Variants in HS6ST3 observed in about 807,000 individuals in gnomAD.
HS6ST3 encodes heparan sulfate 6-O-sulfotransferase 3.
Under a neutral mutation model 36.7 loss-of-function variants are expected in HS6ST3, and 12 were observed. That is an observed-to-expected ratio of 0.33 (90% CI 0.21 to 0.53). The LOEUF is 0.53. Among genes scored for constraint, HS6ST3 ranks in the 20% least tolerant of loss-of-function variants. HS6ST3 has a pLI of 0.95. For missense variants in HS6ST3, 584 were observed against 640.9 expected, an observed-to-expected ratio of 0.91 and a Z score of 0.96; for synonymous variants, 240 against 257.5, an observed-to-expected ratio of 0.93 and a Z score of 0.65.
chr13:96,587,186 CT>C (rs1356609981), intron 1 of HS6ST3, among the ~76,000 whole-genome samples: 1 of 151,566 alleles, frequency 6.6e-6, no homozygotes, highest in Non-Finnish European at 1.5e-5. Context: ...CGTTTTTGTT[CT>C]TGTAGCTTTG....
chr13:96,744,864 T>C (rs1318263523), intron 1 of HS6ST3, among the ~76,000 whole-genome samples: 2 of 152,106 alleles, frequency 1.3e-5, no homozygotes, highest in African/African-American at 4.8e-5. Context: ...GGGTTCTTTC[T>C]ACATACTTGG....
chr13:96,500,182 C>T (rs1303674328), intron 1 of HS6ST3, among the ~76,000 whole-genome samples: 2 of 152,120 alleles, frequency 1.3e-5, no homozygotes, highest in African/African-American at 2.4e-5. Flanking sequence ...ATTATACAAC[C>T]TGTGGTCCTT....
chr13:96,749,003 G>A (rs376959552), intron 1 of HS6ST3, among the ~76,000 whole-genome samples: 25 of 151,932 alleles, frequency 1.6e-4, no homozygotes, highest in Admixed American at 6.6e-5. Context: ...CTTTTAGCTC[G>A]TCAGATTTAC....
chr13:96,497,228 A>G (rs1189329884), intron 1 of HS6ST3, among the ~76,000 whole-genome samples: 1 of 152,146 alleles, frequency 6.6e-6, no homozygotes, highest in African/African-American at 2.4e-5. Flanking sequence ...TCCATGGATC[A>G]ATCTCAGGCC....
Position 96,091,053 on chromosome 13 carries a change from A to T in HS6ST3, c.191A>T (p.Glu64Val). The change falls in exon 1 of 2, where the codon GAG becomes GTG. Residue 64 changes from glutamate to valine, a missense_variant. By Grantham distance (121) the Glu-to-Val change is moderately radical. Transcript: ENST00000376705. ...PARRAQAPPEEWERRPQLPPP... is the reference protein window; with the variant it reads ...PARRAQAPPEVWERRPQLPPP... ...CGCCGGGCTCAGGCGCCGCCGGAGG[A>T]GTGGGAGCGGCGGCCCCAGTTGCCC... is the stretch of plus-strand genomic sequence containing the variant. 7.9e-7 allele frequency: 1 copy of T among 1,263,448 alleles called. No homozygotes were observed. Among genetic ancestry groups the T allele is most frequent in the Non-Finnish European group, 9.9e-7 (1 of 1,007,420 alleles). 78.3% of individuals were successfully genotyped at this position (1,263,448 alleles called of 1,614,324 possible).
chr13:96,745,400 C>T (rs1339823690), intron 1 of HS6ST3, among the ~76,000 whole-genome samples: 1 of 152,016 alleles, frequency 6.6e-6, no homozygotes, highest in Non-Finnish European at 1.5e-5. Context: ...AGGCAGTGCC[C>T]AGCCATATGG....
intron 1 of HS6ST3, among the ~76,000 whole-genome samples, chr13:96,477,444 A>G (rs1166953325): frequency 6.6e-6 from 1 of 152,232 alleles, no homozygotes; most frequent in Non-Finnish European, 1.5e-5. Flanking sequence ...AAATGTGTTT[A>G]TGTATTTGTA....
Position 96,101,960 on chromosome 13 carries a change from CAA to C in HS6ST3, c.707+10396_707+10397del, listed in dbSNP as rs780280321. Among the ~76,000 whole-genome samples the C allele has an allele frequency of 5.3e-5, 8 of 152,232 alleles. No homozygotes were observed. The East Asian group carries it at 1.5e-3, about 29-fold the overall frequency. ...TTTCAGGTCTTTGTCTCTGAGGCCACAAAAAAGTTGCCTGCGGAATTGTTTTC... is the reference window on the plus strand; with the variant it reads ...TTTCAGGTCTTTGTCTCTGAGGCCACAAAAGTTGCCTGCGGAATTGTTTTC... On this transcript the variant is annotated intron_variant, in intron 1 of 1. Coordinates refer to ENST00000376705, the MANE Select transcript of HS6ST3 (RefSeq NM_153456.4).
chr13:96,468,762 T>C (rs2055826720), intron 1 of HS6ST3, among the ~76,000 whole-genome samples: 1 of 152,178 alleles, frequency 6.6e-6, no homozygotes, highest in Admixed American at 6.5e-5. Context: ...TTGGACATTT[T>C]TAAGAAGTGA....
intron 1 of HS6ST3, among the ~76,000 whole-genome samples, chr13:96,293,043 C>A (rs1432401951): frequency 6.6e-6 from 1 of 151,760 alleles, no homozygotes; most frequent in African/African-American, 2.4e-5. Context: ...ACATATGACA[C>A]CTCCACCCCC....
In HS6ST3 at chr13:96,286,543, A is replaced by T. The variant is rs919441849; in HGVS notation, c.707+194974A>T. Among the ~76,000 whole-genome samples the T allele has an allele frequency of 5.3e-5, 8 of 152,324 alleles. No homozygotes were observed. The East Asian group carries it at 1.5e-3, about 29-fold the overall frequency. ...TAGAATCTGTAGGTCTATAGGCATGAAGACATACAGATAACAACAAGATAT... is the reference window on the plus strand; with the variant it reads ...TAGAATCTGTAGGTCTATAGGCATGTAGACATACAGATAACAACAAGATAT... On this transcript the variant is annotated intron_variant, in intron 1 of 1. Transcript: ENST00000376705.
intron 1 of HS6ST3, among the ~76,000 whole-genome samples, chr13:96,788,150 T>C (rs1379546879): frequency 1.3e-5 from 2 of 151,970 alleles, no homozygotes; most frequent in Admixed American, 6.6e-5. Context: ...CTATAGCTTA[T>C]AGTAAGCCTT....
chr13:96,224,239 T>G (rs1397953742), intron 1 of HS6ST3, among the ~76,000 whole-genome samples: 1 of 152,164 alleles, frequency 6.6e-6, no homozygotes, highest in Non-Finnish European at 1.5e-5. Context: ...CAGAGCCCCA[T>G]CACTGTTAAC....
chr13:96,157,641 T>A (rs989621347), intron 1 of HS6ST3, among the ~76,000 whole-genome samples: 1 of 152,220 alleles, frequency 6.6e-6, no homozygotes, highest in Non-Finnish European at 1.5e-5. Flanking sequence ...TGCAGGTAAC[T>A]TTCAGTGGAT....
intron 1 of HS6ST3, among the ~76,000 whole-genome samples, chr13:96,522,271 T>C (rs2056096596): frequency 6.6e-6 from 1 of 152,152 alleles, no homozygotes; most frequent in African/African-American, 2.4e-5. Context: ...TACTTCCAAT[T>C]ATGTGGTCAA....
chr13:96,417,543 A>G (rs2055539458), intron 1 of HS6ST3, among the ~76,000 whole-genome samples: 1 of 150,652 alleles, frequency 6.6e-6, no homozygotes, highest in African/African-American at 2.4e-5. Flanking sequence ...TTGGTTTACC[A>G]TTATCTATAG....
rs1491242538 is a variant in HS6ST3 at position 96,139,567 on chromosome 13, A to AAAAAAAAAAAAAT, written c.707+47998_707+47999insAAAAAAAAAAAAT. Among the ~76,000 whole-genome samples the AAAAAAAAAAAAAT allele has an allele frequency of 2.0e-3, 279 of 138,716 alleles. 8 individuals are homozygous for AAAAAAAAAAAAAT. The highest frequency in any genetic ancestry group is 7.4e-3 in the African/African-American group (265 of 35,636). 91.0% of individuals were successfully genotyped at this position (138,716 alleles called of 152,430 possible). A position where few individuals can be genotyped will look rare whatever the true frequency, so the allele number is the denominator to read the frequency against. On this transcript the variant is annotated intron_variant, in intron 1 of 1. Coordinates refer to ENST00000376705, the MANE Select transcript of HS6ST3 (RefSeq NM_153456.4). ...AAAAAAAAAAAAAAAAAAAAAAAAAATCCATGTATAAGTTAATTTGGTATA... is the reference window on the plus strand; with the variant it reads ...AAAAAAAAAAAAAAAAAAAAAAAAAAAAAAAAAAAAAATTCCATGTATAAGTTAATTTGGTATA...
chr13:96,578,614 G>A (rs2056330284), intron 1 of HS6ST3, among the ~76,000 whole-genome samples: 1 of 152,076 alleles, frequency 6.6e-6, no homozygotes, highest in Non-Finnish European at 1.5e-5. Context: ...AGGCTGTAGT[G>A]CAATGGTGTG....
intron 1 of HS6ST3, among the ~76,000 whole-genome samples, chr13:96,719,425 CT>C (rs1207656904): frequency 6.6e-6 from 1 of 151,858 alleles, no homozygotes; most frequent in Non-Finnish European, 1.5e-5. Flanking sequence ...TGTGTTTTGA[CT>C]TTTAAAATTA....
Sources: allele counts gnomAD v4.1 joint callset (sites outside exome capture counted in the v4.1 genomes callset), GRCh38; gene constraint gnomAD v4.1.1; transcripts MANE v1.5; gene names NCBI Gene and HGNC (gene_info 2026-07-23, HGNC 2026-07-21).